Variants in TANGO2 observed in about 807,000 individuals in gnomAD.
TANGO2 encodes transport and Golgi organization protein 2 homolog.
TANGO2 carries 26 observed loss-of-function variants against 39.1 expected under a neutral mutation model. The ratio of observed to expected loss-of-function variants is 0.67; its 90% CI spans 0.49 to 0.92. TANGO2 has a LOEUF of 0.92. Among genes scored for constraint, TANGO2 ranks in the 40% least tolerant of loss-of-function variants. TANGO2 has a pLI of 0.00. For synonymous variants in TANGO2, 131 were observed against 144.5 expected (o/e 0.91, Z 0.67); for missense variants, 326 against 360.1 (o/e 0.91, Z 0.77).
chr22:20,052,519 G>A lies in TANGO2; in HGVS notation c.200G>A (p.Arg67His), dbSNP rs771436651. 8 of 1,606,298 alleles carry A rather than the reference G, an allele frequency of 5.0e-6. No individual in the cohort carries two copies. Among genetic ancestry groups the A allele is most frequent in the African/African-American group, 4.0e-5 (3 of 74,838 alleles). The change falls in exon 4 of 9, where the codon CGT (arginine) becomes CAT (histidine). Residue 67 changes from arginine to histidine, a missense_variant. Physicochemically the swap from Arg to His is conservative, Grantham distance 29 (BLOSUM62 0). Coordinates refer to ENST00000327374, the MANE Select transcript of TANGO2 (RefSeq NM_152906.7). ...GGCACATGGCTGGGCATCAGCACAC[G>A]TGGCAAGCTGGCAGCACTCACCAAC... is the stretch of plus-strand genomic sequence containing the variant. ...EGGTWLGIST[R>H]GKLAALTNYL...
chr22:20,037,761 G>A lies in TANGO2; in HGVS notation c.56+907G>A, dbSNP rs148613012. On this transcript the variant is annotated intron_variant, in intron 2 of 8. Coordinates refer to ENST00000327374, the MANE Select transcript of TANGO2 (RefSeq NM_152906.7). ...AGAACTATTGACTGCTACAGGGACT[G>A]GAGTAGTGTTGGGCTGGCTAGTGAG... Among the ~76,000 whole-genome samples, 8 of 152,316 alleles carry A rather than the reference G, an allele frequency of 5.3e-5. No individual in the cohort carries two copies. The East Asian group carries it at 1.5e-3, about 29-fold the overall frequency.
chr22:20,054,204 G>A (rs946504019), intron 5 of TANGO2: 2 of 215,654 alleles, frequency 9.3e-6, no homozygotes. Flanking sequence ...TGTGTGGCAT[G>A]CCCAGCCCTG....
chr22:20,050,422 G>A (rs2046106981), intron 3 of TANGO2, among the ~76,000 whole-genome samples: 1 of 133,324 alleles, frequency 7.5e-6, no homozygotes, highest in Non-Finnish European at 1.5e-5. Context: ...AGAGTGCAAT[G>A]GCGCCATCTC....
intron 6 of TANGO2, chr22:20,056,874 C>T (rs764307165): frequency 2.2e-6 from 1 of 456,662 alleles, no homozygotes; most frequent in South Asian, 1.5e-5. Flanking sequence ...GAACTCTGTG[C>T]CTTAAACGCC....
At chr22:20,045,841 C>G (rs1386144110) in intron 3 of TANGO2, among the ~76,000 whole-genome samples, 1 of 151,996 alleles carries the variant, frequency 6.6e-6, no homozygotes, top group Non-Finnish European at 1.5e-5. Context: ...TCTTCTCTCT[C>G]ACTCTCTCCT....
chr22:20,029,913 G>A (rs546439867), intron 1 of TANGO2, among the ~76,000 whole-genome samples: 3 of 152,300 alleles, frequency 2.0e-5, no homozygotes, highest in Non-Finnish European at 4.4e-5. Context: ...TCACAAAGGC[G>A]ACCTCTTTTG....
At chr22:20,033,141 G>C (rs377703648) in intron 1 of TANGO2, 1 of 499,018 alleles carries the variant, frequency 2.0e-6, no homozygotes, top group Non-Finnish European at 4.1e-6. Context: ...GCTCGAGCAG[G>C]GGGCGAGGGA....
intron 2 of TANGO2, among the ~76,000 whole-genome samples, chr22:20,040,766 G>A (rs1667755595): frequency 6.6e-6 from 1 of 152,230 alleles, no homozygotes; most frequent in African/African-American, 2.4e-5. Flanking sequence ...CTGCTGCAGA[G>A]GTTGGGGGGC....
intron 1 of TANGO2, among the ~76,000 whole-genome samples, chr22:20,021,492 A>G (rs899554552): frequency 3.3e-5 from 5 of 152,170 alleles, no homozygotes; most frequent in Admixed American, 3.3e-4. Flanking sequence ...TGGTCCCTGC[A>G]GGGTGTGTGG....
At position 20,047,228 on chromosome 22, in the gene TANGO2, G is replaced by GTTTTTT. The variant is rs1281456111; in HGVS notation, c.145+3788_145+3789insTTTTTT. Among the ~76,000 whole-genome samples, 19 of 132,730 alleles carry GTTTTTT rather than the reference G, an allele frequency of 1.4e-4. 2 individuals are homozygous for GTTTTTT. Among genetic ancestry groups the GTTTTTT allele is most frequent in the Non-Finnish European group, 1.3e-4 (8 of 59,922 alleles). The allele number at this position is 132,730 out of a possible 152,430, so 87.1% of individuals were successfully genotyped here. ...ACACTGGGGATCAGTTTTTTGGTTT[G>GTTTTTT]TTTGTTTTTTTTTTTTTTTTTTGAG... On this transcript the variant is annotated intron_variant, in intron 3 of 8. Transcript: ENST00000327374.
At chr22:20,052,381 G>A (rs1002584779) in intron 3 of TANGO2, 84 bp from the exon 4 acceptor site, 11 of 1,532,354 alleles carry the variant, frequency 7.2e-6, no homozygotes, top group South Asian at 4.9e-5. Flanking sequence ...GAGCTGGGCC[G>A]AGTATGCGTC....
intron 3 of TANGO2, among the ~76,000 whole-genome samples, chr22:20,050,866 A>G (rs1486204199): frequency 2.2e-5 from 3 of 135,422 alleles, no homozygotes; most frequent in Non-Finnish European, 3.1e-5. Context: ...TTTGAGACAG[A>G]GTTTCGCTGA....
In TANGO2 at chr22:20,066,154, A is replaced by C. The variant is rs2049168358; in HGVS notation, c.*1492A>C. 1 of 152,308 alleles carries C rather than the reference A, an allele frequency of 6.6e-6. No individual in the cohort carries two copies. The highest frequency in any genetic ancestry group is 2.4e-5 in the African/African-American group (1 of 41,432). 9.4% of individuals were successfully genotyped at this position (152,308 alleles called of 1,614,324 possible). A position where few individuals can be genotyped will look rare whatever the true frequency, so the allele number is the denominator to read the frequency against. On this transcript the variant is annotated 3_prime_UTR_variant, in exon 9 of 9. Coordinates refer to ENST00000327374, the MANE Select transcript of TANGO2 (RefSeq NM_152906.7). ...ATGCTGATTATGGGGCCAGCCACCC[A>C]TACAGGTCTATCAGGTCGCAATGGA... is the stretch of plus-strand genomic sequence containing the variant.
At chr22:20,052,330 G>A in intron 3 of TANGO2, 135 bp from the exon 4 acceptor site, 1 of 1,330,050 alleles carries the variant, frequency 7.5e-7, no homozygotes, top group Non-Finnish European at 1.0e-6. Flanking sequence ...GGGCTGCTGG[G>A]CCAAGCCGCA....
chr22:20,028,325 G>T (rs1280807659), intron 1 of TANGO2, among the ~76,000 whole-genome samples: 1 of 152,188 alleles, frequency 6.6e-6, no homozygotes, highest in South Asian at 2.1e-4. Flanking sequence ...GTGTTTCACA[G>T]GCTGGACTTA....
chr22:20,018,836 T>C (rs1601733104), upstream of TANGO2, among the ~76,000 whole-genome samples: 1 of 152,068 alleles, frequency 6.6e-6, no homozygotes, highest in Non-Finnish European at 1.5e-5. Flanking sequence ...TCCCAGCACT[T>C]TGGGAGGCCA....
At chr22:20,030,264 T>A (rs922940117) in intron 1 of TANGO2, among the ~76,000 whole-genome samples, 4 of 151,730 alleles carry the variant, frequency 2.6e-5, no homozygotes, top group Non-Finnish European at 4.4e-5. Context: ...ACCTCGTGGG[T>A]TCAAGTGATT....
At chr22:20,042,639 C>T (rs2044184902) in intron 2 of TANGO2, among the ~76,000 whole-genome samples, 1 of 151,996 alleles carries the variant, frequency 6.6e-6, no homozygotes, top group South Asian at 2.1e-4. Context: ...GTGGCGGGTG[C>T]CTGTAATCCC....
At chr22:20,038,563 T>C (rs2043286091) in intron 2 of TANGO2, among the ~76,000 whole-genome samples, 1 of 152,236 alleles carries the variant, frequency 6.6e-6, no homozygotes. Context: ...CGTGTGTTGC[T>C]GCCAGGACCT....
Sources: gnomAD v4.1 joint callset for allele counts (sites outside exome capture counted in the v4.1 genomes callset) on GRCh38, gnomAD v4.1.1 for gene constraint, MANE v1.5 for transcripts, NCBI Gene and HGNC (gene_info 2026-07-23, HGNC 2026-07-21) for gene names.